The following RALGAPA1 variants were observed in gnomAD, a reference collection of about 807,000 sequenced individuals.
RALGAPA1 encodes the protein Ral GTPase activating protein catalytic subunit alpha 1.
A neutral mutation model predicts 269.6 loss-of-function variants in RALGAPA1; 52 were observed. The observed-to-expected ratio is 0.19, with a 90% CI of 0.15 to 0.24. RALGAPA1 has a LOEUF of 0.24. Ranked by LOEUF, RALGAPA1 falls within the 10% of genes least tolerant of loss-of-function variation. The probability of loss-of-function intolerance (pLI) is 1.00; values close to 1 mark genes in which losing one functional copy is unlikely to be tolerated. For synonymous variants in RALGAPA1, 817 were observed against 1,008.3 expected (o/e 0.81, Z 3.60); for missense variants, 1,917 against 3,013.9 (o/e 0.64, Z 8.52).
rs2075651598 is a variant in RALGAPA1, at chr14:35,784,255, T to C, written c.107-8510A>G. On this transcript the variant is annotated intron_variant, in intron 1 of 41. Transcript: ENST00000680220. ...AATTGATGAATGGATAGACAAAATA[T>C]GGTATAATCCATACAATGAATATTA... is the stretch of plus-strand genomic sequence containing the variant. Among the ~76,000 whole-genome samples, 3 of 152,218 alleles carry C rather than the reference T, an allele frequency of 2.0e-5. No homozygotes were observed. In the South Asian group the frequency reaches 6.2e-4, roughly 32 times the overall value.
At chr14:35,594,741 G>A (rs1032473205) in intron 37 of RALGAPA1, among the ~76,000 whole-genome samples, 5 of 150,110 alleles carry the variant, frequency 3.3e-5, no homozygotes, top group Non-Finnish European at 7.4e-5. Flanking sequence ...AAAAAAGTAC[G>A]GAGGTTCTTA....
intron 26 of RALGAPA1, among the ~76,000 whole-genome samples, chr14:35,669,758 C>A (rs1291737852): frequency 6.6e-6 from 1 of 152,148 alleles, no homozygotes; most frequent in Non-Finnish European, 1.5e-5. Flanking sequence ...TTCTCCAAAT[C>A]CCCAGCAGTA....
intron 31 of RALGAPA1, among the ~76,000 whole-genome samples, chr14:35,636,040 C>T (rs2061645217): frequency 6.6e-6 from 1 of 152,114 alleles, no homozygotes; most frequent in Non-Finnish European, 1.5e-5. Flanking sequence ...AATTGTTACT[C>T]ATTTTACTAA....
chr14:35,695,563 G>A (rs2066836702), intron 17 of RALGAPA1, among the ~76,000 whole-genome samples: 2 of 152,154 alleles, frequency 1.3e-5, no homozygotes, highest in African/African-American at 4.8e-5. Context: ...AGATAGACCA[G>A]AGTCCAATAG....
chr14:35,749,918 G>A (rs1253945322), intron 9 of RALGAPA1, among the ~76,000 whole-genome samples: 1 of 151,988 alleles, frequency 6.6e-6, no homozygotes, highest in Non-Finnish European at 1.5e-5. Context: ...CTGTAATATA[G>A]ACATGTTTAG....
At chr14:35,777,276 T>C (rs1162578180) in intron 1 of RALGAPA1, among the ~76,000 whole-genome samples, 1 of 152,222 alleles carries the variant, frequency 6.6e-6, no homozygotes, top group Non-Finnish European at 1.5e-5. Flanking sequence ...TAATCCATTT[T>C]GGCTAAAGCT....
At chr14:35,636,470 C>T (rs2061668573) in intron 31 of RALGAPA1, among the ~76,000 whole-genome samples, 2 of 152,138 alleles carry the variant, frequency 1.3e-5, no homozygotes, top group South Asian at 4.1e-4. Context: ...CACAAAACAA[C>T]AGCTTCCATA....
intron 7 of RALGAPA1, chr14:35,756,309 G>A (rs1012969103): frequency 2.6e-5 from 4 of 152,114 alleles, no homozygotes; most frequent in African/African-American, 9.7e-5. Context: ...CTTCTTCTTC[G>A]AGAAAATAAG....
intron 22 of RALGAPA1, among the ~76,000 whole-genome samples, chr14:35,674,986 TAGAGA>T (rs1052177271): frequency 2.0e-5 from 3 of 152,146 alleles, no homozygotes; most frequent in African/African-American, 7.2e-5. Flanking sequence ...TCTATGCAGA[TAGAGA>T]AATCTGTTTG....
At chr14:35,760,216 C>G (rs946523636) in intron 6 of RALGAPA1, among the ~76,000 whole-genome samples, 1 of 152,078 alleles carries the variant, frequency 6.6e-6, no homozygotes, top group Non-Finnish European at 1.5e-5. Context: ...GATGCTTATA[C>G]CTCTGGGGCT....
Position 35,553,669 on chromosome 14 carries a change from CAT to C in RALGAPA1, c.7497-4437_7497-4436del, listed in dbSNP as rs575221986. Among the ~76,000 whole-genome samples, 63 of 152,024 alleles carry C rather than the reference CAT, an allele frequency of 4.1e-4. 1 individual carries two copies. The highest frequency in any genetic ancestry group is 3.4e-3 in the Middle Eastern group (1 of 294). ...GTGTGTGTATATATGTATGCGTATACATATGTTATACACAAGAATGAATATAA... is the reference window on the plus strand; with the variant it reads ...GTGTGTGTATATATGTATGCGTATACATGTTATACACAAGAATGAATATAA... On this transcript the variant is annotated intron_variant, in intron 39 of 41. Coordinates refer to ENST00000680220, the MANE Select transcript of RALGAPA1 (RefSeq NM_001346249.2).
intron 16 of RALGAPA1, among the ~76,000 whole-genome samples, chr14:35,718,431 T>C (rs1438493193): frequency 3.3e-5 from 5 of 151,986 alleles, no homozygotes; most frequent in Admixed American, 1.3e-4. Context: ...TCTAGTGAGG[T>C]GAAATGGGAA....
intron 1 of RALGAPA1, among the ~76,000 whole-genome samples, chr14:35,802,800 G>A (rs2077074886): frequency 6.6e-6 from 1 of 151,598 alleles, no homozygotes; most frequent in Non-Finnish European, 1.5e-5. Context: ...TCTCACCTCA[G>A]CCTCCCAGGT....
chr14:35,770,023 C>G (rs1300409986), intron 4 of RALGAPA1, among the ~76,000 whole-genome samples: 1 of 151,976 alleles, frequency 6.6e-6, no homozygotes, highest in African/African-American at 2.4e-5. Context: ...AACAGAGAGG[C>G]AAACTGAAGT....
Position 35,549,231 on chromosome 14 carries a change from A to G in RALGAPA1, c.7500T>C (p.Tyr2500=). The G allele has an allele frequency of 6.2e-7, 1 of 1,612,318 alleles. No homozygotes were observed. Residue 2500 remains tyrosine (Y), a synonymous_variant, in exon 40 of 42, where the codon TAT becomes TAC. Transcript: ENST00000680220. The part of the protein sequence containing the change: ...KSLIPLYQNF[Y]EERARYLQTI... ...TTTGCAGGTATCGTGCTCTCTCCTC[A>G]TAGCTGATTTCCTTTGGTTAAGGAT...
chr14:35,688,419 G>A (rs1423307514), intron 18 of RALGAPA1, 40 bp downstream of exon 18: 1 of 1,535,828 alleles, frequency 6.5e-7, no homozygotes, highest in South Asian at 1.2e-5. Flanking sequence ...AACTGGTGCT[G>A]TCTTTCTCCT....
intron 36 of RALGAPA1, among the ~76,000 whole-genome samples, chr14:35,603,125 C>T (rs2081621260): frequency 6.6e-6 from 1 of 152,126 alleles, no homozygotes; most frequent in African/African-American, 2.4e-5. Flanking sequence ...CAGTACCACA[C>T]TATCTTCTTT....
rs139900223 is a variant in RALGAPA1, at chr14:35,592,883, C to T, written c.7209+2751G>A. 3.3e-3 allele frequency among the ~76,000 whole-genome samples: 501 copies of T among 152,256 alleles called. 2 individuals are homozygous for T. Among genetic ancestry groups the T allele is most frequent in the South Asian group, 7.5e-3 (36 of 4,822 alleles). On this transcript the variant is annotated intron_variant, in intron 37 of 41. Transcript: ENST00000680220. ...CAATAAAGGTAACTTATGAAAAACT[C>T]ATCACTAACATTATAACCAATGAGG...
chr14:35,715,050 T>C (rs1401633374), intron 16 of RALGAPA1, among the ~76,000 whole-genome samples: 1 of 152,190 alleles, frequency 6.6e-6, no homozygotes, highest in Non-Finnish European at 1.5e-5. Flanking sequence ...GTCACTGCAG[T>C]GTGTTTAAGT....
Sources: gnomAD v4.1 joint callset for allele counts (sites outside exome capture counted in the v4.1 genomes callset) on GRCh38, gnomAD v4.1.1 for gene constraint, MANE v1.5 for transcripts, NCBI Gene and HGNC (gene_info 2026-07-23, HGNC 2026-07-21) for gene names.